ANKS1B: variants seen among roughly 807,000 people sequenced by gnomAD.
ANKS1B encodes the protein ankyrin repeat and sterile alpha motif domain-containing protein 1B.
Under a neutral mutation model 148.3 loss-of-function variants are expected in ANKS1B, and 36 were observed. That is an observed-to-expected ratio of 0.24 (90% CI 0.19 to 0.32). The LOEUF (loss-of-function observed/expected upper bound fraction) is 0.32, where lower values mean the gene tolerates loss of function less well. ANKS1B is among the 10% of genes least tolerant of loss of function. ANKS1B has a pLI of 1.00. For synonymous variants in ANKS1B, 542 were observed against 560.8 expected (o/e 0.97, Z 0.47); for missense variants, 1,157 against 1,542.6 (o/e 0.75, Z 4.19).
intron 17 of ANKS1B, among the ~76,000 whole-genome samples, chr12:98,984,865 G>T (rs1482048981): frequency 6.6e-6 from 1 of 152,048 alleles, no homozygotes; most frequent in African/African-American, 2.4e-5. Context: ...AAAAAAATTA[G>T]CTGGGCATGG....
intron 1 of ANKS1B, among the ~76,000 whole-genome samples, chr12:99,931,507 C>T (rs998736537): frequency 3.9e-5 from 6 of 152,098 alleles, no homozygotes; most frequent in Non-Finnish European, 8.8e-5. Context: ...TATATAGAAG[C>T]ATTCATTCTA....
chr12:99,840,959 C>T (rs1338462176), intron 1 of ANKS1B, among the ~76,000 whole-genome samples: 1 of 152,098 alleles, frequency 6.6e-6, no homozygotes, highest in Non-Finnish European at 1.5e-5. Context: ...ATTAAGGAAA[C>T]TTTTATTCCC....
intron 14 of ANKS1B, among the ~76,000 whole-genome samples, chr12:99,178,215 G>A (rs2078640590): frequency 6.6e-6 from 1 of 152,138 alleles, no homozygotes; most frequent in Admixed American, 6.5e-5. Context: ...GCTTTCTGTG[G>A]CATAGACAAA....
At chr12:99,609,932 T>C (rs1034561209) in intron 9 of ANKS1B, among the ~76,000 whole-genome samples, 1 of 152,080 alleles carries the variant, frequency 6.6e-6, no homozygotes, top group Non-Finnish European at 1.5e-5. Context: ...TGTTAGTAAA[T>C]AATTCTCCCT....
intron 17 of ANKS1B, chr12:98,894,506 C>T (rs74804283): frequency 0.019 from 18,105 of 928,616 alleles, 1,026 homozygotes; most frequent in African/African-American, 0.19. Flanking sequence ...AGCGTCTCCG[C>T]AGCCTTCCCG....
At chr12:99,330,929 T>C (rs754721386) in intron 12 of ANKS1B, among the ~76,000 whole-genome samples, 2 of 152,010 alleles carry the variant, frequency 1.3e-5, no homozygotes, top group African/African-American at 4.8e-5. Context: ...GTTATGTGCA[T>C]AGTTTTGGGA....
chr12:99,375,481 G>A lies in ANKS1B; in HGVS notation c.1756+24150C>T, dbSNP rs7310653. 6.6e-3 allele frequency among the ~76,000 whole-genome samples: 998 copies of A among 152,240 alleles called. 16 individuals carry two copies. Among genetic ancestry groups the A allele is most frequent in the African/African-American group, 0.023 (953 of 41,554 alleles). On this transcript the variant is annotated intron_variant, in intron 12 of 26. Coordinates refer to ENST00000683438, the MANE Select transcript of ANKS1B (RefSeq NM_001352186.2). ...TTGATATCTCCTGGGAATTCTTGAAGAGATTAGAAAATGTACTTAGCTTCA... is the reference window on the plus strand; with the variant it reads ...TTGATATCTCCTGGGAATTCTTGAAAAGATTAGAAAATGTACTTAGCTTCA...
intron 1 of ANKS1B, among the ~76,000 whole-genome samples, chr12:99,980,363 A>C (rs10745884): frequency 0.56 from 84,546 of 151,840 alleles, 25,599 homozygotes; most frequent in African/African-American, 0.76. Context: ...ATAAAGCCCA[A>C]CCACAATTCC....
At chr12:99,489,129 C>T (rs1229311129) in intron 10 of ANKS1B, among the ~76,000 whole-genome samples, 1 of 151,604 alleles carries the variant, frequency 6.6e-6, no homozygotes, top group Non-Finnish European at 1.5e-5. Context: ...ATAATCCCAG[C>T]TACTCAGGAG....
intron 9 of ANKS1B, among the ~76,000 whole-genome samples, chr12:99,550,668 AT>A (rs993182638): frequency 6.6e-6 from 1 of 151,778 alleles, no homozygotes; most frequent in African/African-American, 2.4e-5. Context: ...AGAAATTTTT[AT>A]TTTTAACAAT....
At chr12:99,534,876 A>AT (rs1226791723) in intron 9 of ANKS1B, among the ~76,000 whole-genome samples, 3 of 151,152 alleles carry the variant, frequency 2.0e-5, no homozygotes, top group Non-Finnish European at 1.5e-5. Flanking sequence ...CACCCGGCTG[A>AT]TTTTTTCTAT....
intron 1 of ANKS1B, among the ~76,000 whole-genome samples, chr12:99,981,918 A>G (rs1017553668): frequency 3.3e-5 from 5 of 152,132 alleles, no homozygotes; most frequent in African/African-American, 4.8e-5. Context: ...CACATTTTCC[A>G]TTATCCTGCC....
chr12:98,818,193 C>T (rs1251403789), intron 19 of ANKS1B, among the ~76,000 whole-genome samples: 1 of 140,552 alleles, frequency 7.1e-6, no homozygotes, highest in Non-Finnish European at 1.6e-5. Context: ...CTCTTCCTCT[C>T]TTCCTCCCTC....
rs759124644 is a variant in ANKS1B at position 99,772,908 on chromosome 12, C to A, written c.1128+14G>T. 2.5e-6 allele frequency: 4 copies of A among 1,604,264 alleles called. No individual in the cohort carries two copies. Among genetic ancestry groups the A allele is most frequent in the African/African-American group, 2.7e-5 (2 of 74,468 alleles). On this transcript the variant is annotated intron_variant, in intron 8 of 26. Coordinates refer to ENST00000683438, the MANE Select transcript of ANKS1B (RefSeq NM_001352186.2). Reference sequence around the variant, plus strand: ...GACAGACACATTATCTTCATTCCCCCCCGCCTTACTTACTACACTCTGGCT... The same window carrying A: ...GACAGACACATTATCTTCATTCCCCACCGCCTTACTTACTACACTCTGGCT...
At chr12:98,910,694 A>C (rs2099785565) in intron 17 of ANKS1B, among the ~76,000 whole-genome samples, 1 of 152,244 alleles carries the variant, frequency 6.6e-6, no homozygotes, top group South Asian at 2.1e-4. Context: ...TAAATAGTGC[A>C]TTTAAAATTA....
intron 1 of ANKS1B, among the ~76,000 whole-genome samples, chr12:99,887,612 G>T (rs1324855697): frequency 6.6e-6 from 1 of 152,122 alleles, no homozygotes; most frequent in Non-Finnish European, 1.5e-5. Flanking sequence ...TGACTTTGCA[G>T]AAGATTATTG....
chr12:99,028,186 C>T (rs1244061616), intron 17 of ANKS1B, among the ~76,000 whole-genome samples: 1 of 152,164 alleles, frequency 6.6e-6, no homozygotes, highest in Non-Finnish European at 1.5e-5. Context: ...TTGCACACAA[C>T]AAAATGTATA....
chr12:99,206,551 T>A (rs1024255937), intron 14 of ANKS1B, among the ~76,000 whole-genome samples: 3 of 152,182 alleles, frequency 2.0e-5, no homozygotes, highest in African/African-American at 7.2e-5. Context: ...GATTAATTGA[T>A]AAGAAAAATT....
intron 10 of ANKS1B, among the ~76,000 whole-genome samples, chr12:99,471,282 T>C (rs1460875435): frequency 6.6e-6 from 1 of 152,092 alleles, no homozygotes; most frequent in Non-Finnish European, 1.5e-5. Context: ...ATTTTTGTTG[T>C]TGTTAACAAA....
Sources: gnomAD v4.1 joint callset for allele counts (sites outside exome capture counted in the v4.1 genomes callset) on GRCh38, gnomAD v4.1.1 for gene constraint, MANE v1.5 for transcripts, NCBI Gene and HGNC (gene_info 2026-07-23, HGNC 2026-07-21) for gene names.